Variants in SLC22A9 observed in about 807,000 individuals in gnomAD.
The protein encoded by SLC22A9 is organic anion transporter 7.
A neutral mutation model predicts 50.1 loss-of-function variants in SLC22A9; 64 were observed. That is an observed-to-expected ratio of 1.28 (90% confidence interval 1.04 to 1.57). The LOEUF (loss-of-function observed/expected upper bound fraction) is 1.57, where lower values mean the gene tolerates loss of function less well. SLC22A9 is among the 40% of genes most tolerant of loss of function. The pLI is 0.00. For synonymous variants in SLC22A9, 261 were observed against 242.5 expected, an observed-to-expected ratio of 1.08 and a Z score of -0.71; for missense variants, 757 against 676.1, an observed-to-expected ratio of 1.12 and a Z score of -1.33.
intron 6 of SLC22A9, among the ~76,000 whole-genome samples, chr11:63,390,967 A>T (rs1341477519): frequency 6.6e-6 from 1 of 152,112 alleles, no homozygotes; most frequent in Non-Finnish European, 1.5e-5. Flanking sequence ...AGCTAAAAAT[A>T]TACCTCTTAG....
At position 63,408,186 on chromosome 11, in the gene SLC22A9, G is replaced by A. The variant is rs772562878; in HGVS notation, c.1363G>A (p.Ala455Thr). The stretch of plus-strand genomic sequence containing the variant: ...TGCTCTTGCCAATACCCTTGCTTTT[G>A]CCCATGGAAATGAAGTAATTCCCAC... ...ASALANTLAF[A>T]HGNEVIPTII... Residue 455 changes from alanine (A) to threonine (T), a missense_variant, in exon 8 of 10, where the codon GCC becomes ACC. Transcript: ENST00000279178. 22 of 1,613,662 alleles carry A rather than the reference G, an allele frequency of 1.4e-5. No individual in the cohort carries two copies. The highest frequency in any genetic ancestry group is 1.9e-5 in the Non-Finnish European group (22 of 1,179,734).
chr11:63,369,912 A>G lies in SLC22A9; in HGVS notation c.-145A>G, dbSNP rs10897407. The G allele has an allele frequency of 0.57, 442,559 of 774,094 alleles. 131,138 individuals are homozygous for G. Among genetic ancestry groups the G allele is most frequent in the Non-Finnish European group, 0.63 (317,789 of 507,686 alleles). The allele number at this position is 774,094 out of a possible 1,614,324, so 48.0% of individuals were successfully genotyped here. ...AACTGTTTCCACGGTCCTGCTGCAGAGGGGAAGCACAGTCGTCAAGAAGAG... is the reference window on the plus strand; with the variant it reads ...AACTGTTTCCACGGTCCTGCTGCAGGGGGGAAGCACAGTCGTCAAGAAGAG... On this transcript the variant is annotated 5_prime_UTR_variant, in exon 1 of 10. Coordinates refer to ENST00000279178, the MANE Select transcript of SLC22A9 (RefSeq NM_080866.3).
intron 6 of SLC22A9, among the ~76,000 whole-genome samples, chr11:63,384,446 T>A (rs1325195599): frequency 6.6e-6 from 1 of 152,186 alleles, no homozygotes; most frequent in Non-Finnish European, 1.5e-5. Context: ...TCCAGCTTCA[T>A]CCATGTCCCT....
chr11:63,406,489 C>A lies in SLC22A9; in HGVS notation c.1074-8C>A. ...ATAATATGTTTCTTTCCTTTTTAATCATCACAGATTTGCAAACTTTATGGC... is the reference window on the plus strand; with the variant it reads ...ATAATATGTTTCTTTCCTTTTTAATAATCACAGATTTGCAAACTTTATGGC... On this transcript the variant is annotated splice_region_variant and splice_polypyrimidine_tract_variant and intron_variant, in intron 6 of 9. Coordinates refer to ENST00000279178, the MANE Select transcript of SLC22A9 (RefSeq NM_080866.3). The A allele has an allele frequency of 1.2e-6, 2 of 1,610,130 alleles. No individual in the cohort carries two copies. The highest frequency in any genetic ancestry group is 1.1e-5 in the South Asian group (1 of 90,930).
At chr11:63,399,470 T>C (rs1226196890) in intron 6 of SLC22A9, among the ~76,000 whole-genome samples, 3 of 152,108 alleles carry the variant, frequency 2.0e-5, no homozygotes, top group Non-Finnish European at 4.4e-5. Context: ...CATTATATAA[T>C]GATAAAGGGG....
rs1406096494 is a variant in SLC22A9, at chr11:63,371,127, T to G, written c.403-8T>G. 2 of 1,606,400 alleles carry G rather than the reference T, an allele frequency of 1.2e-6. No individual in the cohort carries two copies. Among genetic ancestry groups the G allele is most frequent in the East Asian group, 4.5e-5 (2 of 44,814 alleles). ...AAGCATTGATGTGCTGGCTTCCTTC[T>G]CTTCCAGTGGGATCTGGTATGTGAC... On this transcript the variant is annotated splice_polypyrimidine_tract_variant and splice_region_variant and intron_variant, in intron 1 of 9. Transcript: ENST00000279178.
At chr11:63,385,290 C>T (rs1038398491) in intron 6 of SLC22A9, among the ~76,000 whole-genome samples, 2 of 151,284 alleles carry the variant, frequency 1.3e-5, no homozygotes, top group Non-Finnish European at 2.9e-5. Flanking sequence ...TTTTTTCATT[C>T]CATATAAATT....
intron 7 of SLC22A9, among the ~76,000 whole-genome samples, 186 bp from the exon 8 acceptor site, chr11:63,407,926 A>G (rs992501149): frequency 6.6e-6 from 1 of 152,222 alleles, no homozygotes; most frequent in Non-Finnish European, 1.5e-5. Context: ...TATTTAAGCC[A>G]CAAGGCGAAG....
At chr11:63,390,526 T>C (rs1421877072) in intron 6 of SLC22A9, among the ~76,000 whole-genome samples, 2 of 152,152 alleles carry the variant, frequency 1.3e-5, no homozygotes, top group Non-Finnish European at 2.9e-5. Flanking sequence ...TTCTTTTCCA[T>C]TGGCCTATAT....
At chr11:63,370,497 G>C in intron 1 of SLC22A9, 39 bp downstream of exon 1, 1 of 1,521,394 alleles carries the variant, frequency 6.6e-7, no homozygotes, top group Non-Finnish European at 8.8e-7. Flanking sequence ...TATGTGACCT[G>C]GGTGTTTAGA....
chr11:63,406,664 T>A lies in SLC22A9; in HGVS notation c.1241T>A (p.Met414Lys), dbSNP rs1180549652. The change falls in exon 7 of 10, where the codon ATG becomes AAG. Residue 414 changes from methionine to lysine, a missense_variant. Physicochemically the swap from Met to Lys is moderately conservative, Grantham distance 95. Coordinates refer to ENST00000279178, the MANE Select transcript of SLC22A9 (RefSeq NM_080866.3). ...MNRRASQMLL[M>K]FLLAICLLAI... ...CGTCGAGCAAGCCAGATGCTTCTCA[T>A]GTTCCTACTGGCAATCTGCCTTCTG... 1 of 1,613,608 alleles carries A rather than the reference T, an allele frequency of 6.2e-7. No homozygotes were observed. The highest frequency in any genetic ancestry group is 8.5e-7 in the Non-Finnish European group (1 of 1,179,812).
At chr11:63,409,503 G>T (rs1378970632) in intron 9 of SLC22A9, among the ~76,000 whole-genome samples, 3 of 151,906 alleles carry the variant, frequency 2.0e-5, no homozygotes, top group Non-Finnish European at 4.4e-5. Flanking sequence ...TTTGTGTTGG[G>T]CCACATTCAA....
At chr11:63,406,212 T>G (rs7101446) in intron 6 of SLC22A9, among the ~76,000 whole-genome samples, 35,108 of 152,122 alleles carry the variant, frequency 0.23, 4,723 homozygotes, top group East Asian at 0.68. Flanking sequence ...CTTCAGAAAT[T>G]ATCCTGCTTC....
chr11:63,395,867 T>C (rs1396336179), intron 6 of SLC22A9, among the ~76,000 whole-genome samples: 1 of 151,934 alleles, frequency 6.6e-6, no homozygotes, highest in Admixed American at 6.6e-5. Flanking sequence ...TCTCCTTGGG[T>C]GGGTCTTACT....
rs1327173325 is a variant in SLC22A9 at position 63,406,586 on chromosome 11, C to T, written c.1163C>T (p.Ala388Val). Residue 388 changes from alanine to valine, a missense_variant, in exon 7 of 10, where the codon GCA (alanine) becomes GTA (valine). Coordinates refer to ENST00000279178, the MANE Select transcript of SLC22A9 (RefSeq NM_080866.3). Reference sequence around the variant, plus strand: ...TTCCTGTTGCAGACTCTCTTTGGTGCAGTCATCCTCCTGGCCAACTGTGTT... The same window carrying T: ...TTCCTGTTGCAGACTCTCTTTGGTGTAGTCATCCTCCTGGCCAACTGTGTT... ...NVFLLQTLFG[A>V]VILLANCVAP... 2 of 1,613,884 alleles carry T rather than the reference C, an allele frequency of 1.2e-6. No individual in the cohort carries two copies. The highest frequency in any genetic ancestry group is 1.3e-5 in the African/African-American group (1 of 75,012).
chr11:63,403,348 G>C (rs1183427351), intron 6 of SLC22A9, among the ~76,000 whole-genome samples: 15 of 151,950 alleles, frequency 9.9e-5, no homozygotes, highest in African/African-American at 3.6e-4. Flanking sequence ...AAAAATAAAA[G>C]GCTAACAAAA....
Position 63,406,369 on chromosome 11 carries a change from T to C in SLC22A9, c.1074-128T>C, listed in dbSNP as rs73485830. 4.1e-3 allele frequency: 3,050 copies of C among 742,382 alleles called. 72 individuals carry two copies. In the African/African-American group the frequency reaches 0.048, roughly 12 times the overall value. The allele number at this position is 742,382 out of a possible 1,614,324, so 46.0% of individuals were successfully genotyped here. On this transcript the variant is annotated intron_variant, in intron 6 of 9. Transcript: ENST00000279178. ...TTCTTTAAATCACGTTGCAAGAAAA[T>C]ATTCCATGAAATAGACCCAGCCTTT...
At chr11:63,399,460 C>G (rs906584600) in intron 6 of SLC22A9, among the ~76,000 whole-genome samples, 2 of 151,938 alleles carry the variant, frequency 1.3e-5, no homozygotes, top group South Asian at 2.1e-4. Context: ...CAAAGGAGAT[C>G]ATTATATAAT....
At position 63,370,400 on chromosome 11, in the gene SLC22A9, C is replaced by T; in HGVS notation, c.344C>T (p.Pro115Leu). 1 of 1,612,686 alleles carries T rather than the reference C, an allele frequency of 6.2e-7. No homozygotes were observed. Among genetic ancestry groups the T allele is most frequent in the Non-Finnish European group, 8.5e-7 (1 of 1,179,196 alleles). Residue 115 changes from proline (P) to leucine (L), a missense_variant, in exon 1 of 10, where the codon CCC (proline) becomes CTC (leucine). Coordinates refer to ENST00000279178, the MANE Select transcript of SLC22A9 (RefSeq NM_080866.3). ...FPNTSDADME[P>L]CVDGWVYDRI... is the part of the protein sequence containing the mutation. ...AACACAAGTGACGCAGACATGGAGC[C>T]CTGTGTGGATGGCTGGGTGTATGAC...
Sources: gnomAD v4.1 joint callset for allele counts (sites outside exome capture counted in the v4.1 genomes callset) on GRCh38, gnomAD v4.1.1 for gene constraint, MANE v1.5 for transcripts, NCBI Gene and HGNC (gene_info 2026-07-23, HGNC 2026-07-21) for gene names.